The following KCNMA1 variants were observed in gnomAD, a reference collection of about 807,000 sequenced individuals.
The protein encoded by KCNMA1 is potassium calcium-activated channel subfamily M alpha 1, also known as Calcium-activated potassium channel subunit alpha-1.
In KCNMA1, 29 loss-of-function variants were observed where a neutral mutation model predicts 140.0. The observed-to-expected ratio is 0.21, with a 90% CI of 0.15 to 0.28. The LOEUF is 0.28. Among genes scored for constraint, KCNMA1 ranks in the 10% least tolerant of loss-of-function variants. The probability of loss-of-function intolerance (pLI) is 1.00; values close to 1 mark genes in which losing one functional copy is unlikely to be tolerated. For missense variants in KCNMA1, 880 were observed against 1,602.2 expected (o/e 0.55, Z 7.70); for synonymous variants, 612 against 611.9 (o/e 1.00, Z 0.00).
chr10:77,247,434 G>C (rs1241297128), intron 3 of KCNMA1, among the ~76,000 whole-genome samples: 1 of 152,162 alleles, frequency 6.6e-6, no homozygotes, highest in African/African-American at 2.4e-5. Context: ...GGAGGAAATA[G>C]ACAAGGATGG....
At chr10:77,442,431 C>G (rs2097426989) in intron 1 of KCNMA1, among the ~76,000 whole-genome samples, 1 of 152,118 alleles carries the variant, frequency 6.6e-6, no homozygotes, top group Non-Finnish European at 1.5e-5. Context: ...CTAAGCTGTT[C>G]TCCCTACCCC....
chr10:77,171,619 G>A (rs1293314262), intron 5 of KCNMA1, among the ~76,000 whole-genome samples: 1 of 152,084 alleles, frequency 6.6e-6, no homozygotes. Flanking sequence ...CCAGGAGGAC[G>A]TGTCAGAGTT....
chr10:77,233,385 A>G (rs1323228902), intron 3 of KCNMA1, among the ~76,000 whole-genome samples: 1 of 152,212 alleles, frequency 6.6e-6, no homozygotes, highest in Non-Finnish European at 1.5e-5. Context: ...CAGGGAGTCC[A>G]TGATTTGGAC....
chr10:77,328,399 T>C (rs143537825), intron 2 of KCNMA1, among the ~76,000 whole-genome samples: 2 of 152,308 alleles, frequency 1.3e-5, no homozygotes, highest in Non-Finnish European at 2.9e-5. Flanking sequence ...CAGTTACCCA[T>C]CCGCAGATTA....
At chr10:77,369,118 TA>T (rs2094531531) in intron 2 of KCNMA1, among the ~76,000 whole-genome samples, 1 of 152,216 alleles carries the variant, frequency 6.6e-6, no homozygotes, top group South Asian at 2.1e-4. Flanking sequence ...ATTAAATCTG[TA>T]GAGAAATCTG....
chr10:77,433,264 C>T (rs941144609), intron 1 of KCNMA1, among the ~76,000 whole-genome samples: 17 of 152,198 alleles, frequency 1.1e-4, no homozygotes, highest in South Asian at 6.2e-4. Context: ...GCAATTCTCA[C>T]GCCTCAGCCT....
intron 1 of KCNMA1, among the ~76,000 whole-genome samples, chr10:77,546,717 C>T (rs1346373496): frequency 6.6e-6 from 1 of 152,236 alleles, no homozygotes; most frequent in Non-Finnish European, 1.5e-5. Context: ...CCCCTTCAGG[C>T]CTCCTTTCCC....
intron 18 of KCNMA1, among the ~76,000 whole-genome samples, chr10:77,001,927 C>T (rs2086613330): frequency 6.6e-6 from 1 of 152,202 alleles, no homozygotes; most frequent in African/African-American, 2.4e-5. Context: ...GTAACCAACA[C>T]TTTTCCCCTG....
intron 5 of KCNMA1, among the ~76,000 whole-genome samples, chr10:77,131,859 G>T (rs2097864476): frequency 6.6e-6 from 1 of 151,726 alleles, no homozygotes. Flanking sequence ...CAGCTACTTG[G>T]GAGGCTGAGG....
chr10:77,440,436 T>C (rs1179370822), intron 1 of KCNMA1, among the ~76,000 whole-genome samples: 1 of 152,190 alleles, frequency 6.6e-6, no homozygotes, highest in African/African-American at 2.4e-5. Context: ...TTCAGAAGCC[T>C]GCACAGGTGA....
intron 19 of KCNMA1, among the ~76,000 whole-genome samples, chr10:76,991,940 C>T (rs1246014394): frequency 6.6e-6 from 1 of 152,214 alleles, no homozygotes; most frequent in Non-Finnish European, 1.5e-5. Flanking sequence ...ACAGCTGGTG[C>T]AGTGCCAGCT....
At chr10:77,495,518 C>A (rs1603629609) in intron 1 of KCNMA1, among the ~76,000 whole-genome samples, 1 of 152,252 alleles carries the variant, frequency 6.6e-6, no homozygotes, top group African/African-American at 2.4e-5. Flanking sequence ...TCTGCACCAA[C>A]AGAAACATCG....
At chr10:77,521,445 C>T (rs781570967) in intron 1 of KCNMA1, among the ~76,000 whole-genome samples, 9 of 152,176 alleles carry the variant, frequency 5.9e-5, no homozygotes, top group Non-Finnish European at 1.2e-4. Flanking sequence ...CACTAGTGCC[C>T]GGAAGCTTGG....
chr10:77,502,602 C>T (rs1247491009), intron 1 of KCNMA1, among the ~76,000 whole-genome samples: 4 of 152,184 alleles, frequency 2.6e-5, no homozygotes, highest in African/African-American at 9.7e-5. Context: ...ACATCTCTGG[C>T]ACCCCCATGG....
intron 3 of KCNMA1, among the ~76,000 whole-genome samples, chr10:77,197,585 C>T (rs762469204): frequency 6.6e-6 from 1 of 152,138 alleles, no homozygotes; most frequent in African/African-American, 2.4e-5. Flanking sequence ...AGCCTCAGGC[C>T]CAGTGCTTCA....
chr10:77,158,354 T>C (rs1208925255), intron 5 of KCNMA1, among the ~76,000 whole-genome samples: 1 of 152,194 alleles, frequency 6.6e-6, no homozygotes, highest in Non-Finnish European at 1.5e-5. Context: ...CTCCTTATTA[T>C]AGGTGAGGGT....
chr10:76,996,383 C>T (rs2084329961), intron 19 of KCNMA1, among the ~76,000 whole-genome samples: 1 of 152,210 alleles, frequency 6.6e-6, no homozygotes, highest in Admixed American at 6.5e-5. Context: ...TCACCTGCTA[C>T]CAATAAGAGT....
intron 2 of KCNMA1, among the ~76,000 whole-genome samples, chr10:77,363,534 T>G (rs570594847): frequency 1.3e-5 from 2 of 152,214 alleles, no homozygotes; most frequent in Non-Finnish European, 2.9e-5. Flanking sequence ...TCCTAGTAAA[T>G]AGAATTACAT....
chr10:76,928,874 G>A lies in KCNMA1; in HGVS notation c.2903-13825C>T, dbSNP rs910353995. ...AGAGTGCTATACTTCATAGAAAACA[G>A]GGCTTTCTGAAAATGGAGACAAAAC... On this transcript the variant is annotated intron_variant, in intron 23 of 27. Transcript: ENST00000286628. Among the ~76,000 whole-genome samples the A allele has an allele frequency of 1.3e-4, 20 of 152,194 alleles. No homozygotes were observed. In the East Asian group the frequency reaches 3.5e-3, roughly 26 times the overall value.
Sources: allele counts gnomAD v4.1 joint callset (sites outside exome capture counted in the v4.1 genomes callset), GRCh38; gene constraint gnomAD v4.1.1; transcripts MANE v1.5; gene names NCBI Gene and HGNC (gene_info 2026-07-23, HGNC 2026-07-21).